ALCAM: variants seen among roughly 807,000 people sequenced by gnomAD.
The protein encoded by ALCAM is activated leukocyte cell adhesion molecule, also known as CD166 antigen.
A neutral mutation model predicts 70.9 loss-of-function variants in ALCAM; 30 were observed. The observed-to-expected ratio is 0.42, with a 90% confidence interval of 0.32 to 0.57. The LOEUF (loss-of-function observed/expected upper bound fraction) is 0.57, where lower values mean the gene tolerates loss of function less well. Ranked by LOEUF, ALCAM falls within the 20% of genes least tolerant of loss-of-function variation. ALCAM has a pLI of 0.11. For synonymous variants in ALCAM, 249 were observed against 242.5 expected (o/e 1.03, Z -0.25); for missense variants, 591 against 695.1 (o/e 0.85, Z 1.68).
intron 1 of ALCAM, among the ~76,000 whole-genome samples, chr3:105,417,416 T>A (rs1421861427): frequency 6.6e-6 from 1 of 151,628 alleles, no homozygotes; most frequent in African/African-American, 2.4e-5. Context: ...CAAGTATATA[T>A]AACATAGATG....
At chr3:105,392,094 T>C (rs1199376770) in intron 1 of ALCAM, among the ~76,000 whole-genome samples, 1 of 152,010 alleles carries the variant, frequency 6.6e-6, no homozygotes, top group Non-Finnish European at 1.5e-5. Context: ...CAAAATGAGT[T>C]AGGAAGAAGT....
chr3:105,569,640 T>C (rs1443931817), intron 14 of ALCAM, among the ~76,000 whole-genome samples: 1 of 152,192 alleles, frequency 6.6e-6, no homozygotes, highest in Non-Finnish European at 1.5e-5. Flanking sequence ...TCAGTTCAAC[T>C]TAGTAGAATA....
intron 1 of ALCAM, among the ~76,000 whole-genome samples, chr3:105,487,318 T>C (rs1938458458): frequency 6.6e-6 from 1 of 152,166 alleles, no homozygotes; most frequent in African/African-American, 2.4e-5. Context: ...AATTATAGTC[T>C]ACTCTTAAAT....
At chr3:105,569,805 G>A (rs765823208) in intron 14 of ALCAM, among the ~76,000 whole-genome samples, 2 of 152,198 alleles carry the variant, frequency 1.3e-5, no homozygotes, top group Non-Finnish European at 2.9e-5. Flanking sequence ...GGGGCAGATG[G>A]ATGGAGAAAT....
intron 1 of ALCAM, among the ~76,000 whole-genome samples, chr3:105,403,656 G>T (rs1345360116): frequency 6.6e-6 from 1 of 151,872 alleles, no homozygotes; most frequent in Non-Finnish European, 1.5e-5. Context: ...AACAATTCTG[G>T]TAATACGACA....
chr3:105,409,333 AC>A (rs1936328658), intron 1 of ALCAM, among the ~76,000 whole-genome samples: 1 of 77,256 alleles, frequency 1.3e-5, no homozygotes, highest in Non-Finnish European at 2.6e-5. Context: ...AGAAAATGTG[AC>A]ATATATATAT....
intron 12 of ALCAM, among the ~76,000 whole-genome samples, chr3:105,550,883 A>G (rs1167101619): frequency 2.6e-5 from 4 of 151,650 alleles, no homozygotes; most frequent in African/African-American, 9.7e-5. Flanking sequence ...AGGGTAATAC[A>G]TACATACCAA....
In ALCAM at chr3:105,552,722, A is replaced by G. The variant is rs935389375; in HGVS notation, c.1664+137A>G. The G allele has an allele frequency of 3.3e-6, 5 of 1,502,334 alleles. No homozygotes were observed. The Admixed American group carries it at 6.5e-5, about 19-fold the overall frequency. The allele number at this position is 1,502,334 out of a possible 1,614,324, so 93.1% of individuals were successfully genotyped here. A position where few individuals can be genotyped will look rare whatever the true frequency, so the allele number is the denominator to read the frequency against. On this transcript the variant is annotated intron_variant, in intron 14 of 15. Transcript: ENST00000306107. ...TGTATCCCCAAATCAGGTTGATTATATATTTTGTTTCAACTAATTTTGACT... is the reference window on the plus strand; with the variant it reads ...TGTATCCCCAAATCAGGTTGATTATGTATTTTGTTTCAACTAATTTTGACT...
At chr3:105,482,921 T>C (rs1938312674) in intron 1 of ALCAM, among the ~76,000 whole-genome samples, 1 of 152,166 alleles carries the variant, frequency 6.6e-6, no homozygotes, top group Non-Finnish European at 1.5e-5. Context: ...TAGTCATGGC[T>C]ACCTGAGGAG....
intron 1 of ALCAM, among the ~76,000 whole-genome samples, chr3:105,437,748 A>G (rs1937082606): frequency 6.6e-6 from 1 of 152,192 alleles, no homozygotes; most frequent in Admixed American, 6.5e-5. Context: ...ATCTACCCCA[A>G]AATTTATTAC....
chr3:105,453,422 A>G (rs1937482447), intron 1 of ALCAM, among the ~76,000 whole-genome samples: 1 of 152,098 alleles, frequency 6.6e-6, no homozygotes, highest in Admixed American at 6.5e-5. Context: ...ATTCTGCTGC[A>G]TTGGTCCCAA....
intron 1 of ALCAM, among the ~76,000 whole-genome samples, chr3:105,375,905 C>T (rs190628843): frequency 2.6e-5 from 4 of 152,286 alleles, no homozygotes; most frequent in Admixed American, 6.5e-5. Context: ...ACAGCAAAGA[C>T]GCTTATCGCG....
intron 1 of ALCAM, among the ~76,000 whole-genome samples, chr3:105,431,146 A>C (rs147986832): frequency 0.025 from 3,760 of 152,028 alleles, 74 homozygotes; most frequent in Middle Eastern, 0.065. Context: ...TCGAAACAAA[A>C]AAAAAAAAAA....
At chr3:105,393,376 A>G (rs1225424637) in intron 1 of ALCAM, among the ~76,000 whole-genome samples, 1 of 151,862 alleles carries the variant, frequency 6.6e-6, no homozygotes. Flanking sequence ...ATAAATTTAT[A>G]CATGTTATGG....
chr3:105,380,709 C>T (rs766369500), intron 1 of ALCAM, among the ~76,000 whole-genome samples: 1 of 151,750 alleles, frequency 6.6e-6, no homozygotes, highest in Non-Finnish European at 1.5e-5. Context: ...ATTAGACCTC[C>T]TAATTTATTA....
chr3:105,442,385 T>A (rs550573625), intron 1 of ALCAM, among the ~76,000 whole-genome samples: 1 of 152,222 alleles, frequency 6.6e-6, no homozygotes. Flanking sequence ...TAAGTGAATA[T>A]TTAAAATACA....
chr3:105,395,037 A>G (rs1935915873), intron 1 of ALCAM, among the ~76,000 whole-genome samples: 1 of 151,976 alleles, frequency 6.6e-6, no homozygotes, highest in Admixed American at 6.6e-5. Flanking sequence ...TTATAACTGT[A>G]AGCACAGTAA....
intron 14 of ALCAM, among the ~76,000 whole-genome samples, chr3:105,565,117 C>G (rs575957248): frequency 6.6e-6 from 1 of 152,130 alleles, no homozygotes. Context: ...TACCACTGAA[C>G]TCCAGCCTGG....
chr3:105,492,891 A>G (rs1462088868), intron 1 of ALCAM, among the ~76,000 whole-genome samples: 1 of 152,226 alleles, frequency 6.6e-6, no homozygotes, highest in Non-Finnish European at 1.5e-5. Flanking sequence ...TGACTTTAAT[A>G]TAGTTTAGCC....
Sources: gnomAD v4.1 joint callset for allele counts (sites outside exome capture counted in the v4.1 genomes callset) on GRCh38, gnomAD v4.1.1 for gene constraint, MANE v1.5 for transcripts, NCBI Gene and HGNC (gene_info 2026-07-23, HGNC 2026-07-21) for gene names.